Variants in GALNT14 observed in about 807,000 individuals in gnomAD.
The protein encoded by GALNT14 is polypeptide N-acetylgalactosaminyltransferase 14, also known as UDP-GalNAc:polypeptide N-acetylgalactosaminyltransferase 14.
GALNT14 carries 60 observed loss-of-function variants against 77.5 expected under a neutral mutation model. The ratio of observed to expected loss-of-function variants is 0.77; its 90% CI spans 0.63 to 0.96. GALNT14 has a LOEUF of 0.96. Ranked by LOEUF, GALNT14 falls within the 40% of genes least tolerant of loss-of-function variation. The pLI is 0.00. For missense variants in GALNT14, 710 were observed against 731.0 expected, an observed-to-expected ratio of 0.97 and a Z score of 0.33; for synonymous variants, 280 against 281.7, an observed-to-expected ratio of 0.99 and a Z score of 0.06.
At chr2:31,075,550 T>G (rs1162684339) in intron 1 of GALNT14, among the ~76,000 whole-genome samples, 1 of 152,156 alleles carries the variant, frequency 6.6e-6, no homozygotes, top group Non-Finnish European at 1.5e-5. Context: ...ATGGCAGCAT[T>G]TCTGAGAAAT....
chr2:30,946,613 T>A (rs938571868), intron 6 of GALNT14, among the ~76,000 whole-genome samples: 5 of 152,298 alleles, frequency 3.3e-5, no homozygotes, highest in South Asian at 2.1e-4. Flanking sequence ...CGTAAGCCAA[T>A]GAAACCTCAT....
chr2:31,000,159 G>A (rs1266877105), intron 1 of GALNT14, among the ~76,000 whole-genome samples: 1 of 152,092 alleles, frequency 6.6e-6, no homozygotes, highest in East Asian at 1.9e-4. Flanking sequence ...GTTTGAATAT[G>A]TAGATCTGGG....
chr2:31,003,004 T>A (rs1009859082), intron 1 of GALNT14, among the ~76,000 whole-genome samples: 3 of 152,232 alleles, frequency 2.0e-5, no homozygotes, highest in Non-Finnish European at 4.4e-5. Flanking sequence ...GTTATTTAAC[T>A]GATGTGCAGA....
intron 13 of GALNT14, among the ~76,000 whole-genome samples, chr2:30,922,609 A>T (rs1558406086): frequency 6.6e-6 from 1 of 152,100 alleles, no homozygotes. Context: ...ATTTCTACTC[A>T]TCTCTGAGAA....
At position 31,014,032 on chromosome 2, in the gene GALNT14, T is replaced by C. The variant is rs1281425695; in HGVS notation, c.130-21025A>G. Among the ~76,000 whole-genome samples the C allele has an allele frequency of 1.3e-5, 2 of 152,240 alleles. 1 individual carries two copies. Among genetic ancestry groups the C allele is most frequent in the Non-Finnish European group, 2.9e-5 (2 of 68,040 alleles). ...ACCTAAATTTTCTCAAGACCTATGC[T>C]CTGACACTGGCTCCACTGCTTACTG... On this transcript the variant is annotated intron_variant, in intron 1 of 14. Transcript: ENST00000349752.
intron 1 of GALNT14, among the ~76,000 whole-genome samples, chr2:31,026,901 A>G (rs1285403234): frequency 2.0e-5 from 3 of 149,800 alleles, no homozygotes; most frequent in African/African-American, 4.9e-5. Context: ...TATGAAATGT[A>G]TACTGCAGCC....
chr2:31,006,534 G>C (rs774531703), intron 1 of GALNT14, among the ~76,000 whole-genome samples: 14 of 152,242 alleles, frequency 9.2e-5, no homozygotes, highest in Non-Finnish European at 1.9e-4. Flanking sequence ...GGAGGTGCTG[G>C]GATGAAACCC....
chr2:31,106,207 A>G (rs1573357721), intron 1 of GALNT14, among the ~76,000 whole-genome samples: 1 of 152,174 alleles, frequency 6.6e-6, no homozygotes, highest in African/African-American at 2.4e-5. Flanking sequence ...CTCTTTCAAC[A>G]TTTAGATTTA....
chr2:30,955,128 G>A (rs923374309), intron 6 of GALNT14, among the ~76,000 whole-genome samples: 2 of 152,180 alleles, frequency 1.3e-5, no homozygotes, highest in Non-Finnish European at 2.9e-5. Flanking sequence ...GCAAAGAGGG[G>A]CAAGGAATTC....
rs116452199 is a variant in GALNT14, at chr2:30,926,944, T to C, written c.1152-2121A>G. Among the ~76,000 whole-genome samples the C allele has an allele frequency of 5.3e-3, 813 of 152,212 alleles. 12 individuals carry two copies. Among genetic ancestry groups the C allele is most frequent in the African/African-American group, 0.018 (765 of 41,506 alleles). On this transcript the variant is annotated intron_variant, in intron 11 of 14. Transcript: ENST00000349752. ...GGAATGGAAAAGACAGAGCATGGAT[T>C]ATGAGCAATGTTGGACTGAAGGAGG...
At chr2:30,942,799 T>C (rs1220566693) in intron 8 of GALNT14, among the ~76,000 whole-genome samples, 1 of 152,208 alleles carries the variant, frequency 6.6e-6, no homozygotes, top group Non-Finnish European at 1.5e-5. Flanking sequence ...CTCCTTTTTT[T>C]TCCCTCTTTA....
At chr2:31,088,738 G>T (rs1381970003) in intron 1 of GALNT14, among the ~76,000 whole-genome samples, 1 of 152,204 alleles carries the variant, frequency 6.6e-6, no homozygotes, top group Non-Finnish European at 1.5e-5. Context: ...GATGGGTGAT[G>T]CTAGATTATG....
chr2:30,921,904 G>A (rs373111639), intron 13 of GALNT14, among the ~76,000 whole-genome samples: 7 of 152,210 alleles, frequency 4.6e-5, no homozygotes, highest in Admixed American at 4.6e-4. Flanking sequence ...ATACACAGGG[G>A]AGCCCCTACA....
intron 1 of GALNT14, among the ~76,000 whole-genome samples, chr2:31,021,481 T>C (rs780420132): frequency 3.3e-5 from 5 of 151,982 alleles, no homozygotes; most frequent in East Asian, 1.9e-4. Flanking sequence ...ATTTTTTGTA[T>C]ATTTAGTAGA....
chr2:30,955,862 G>A (rs756396245), intron 5 of GALNT14, 50 bp downstream of exon 5: 10 of 1,611,120 alleles, frequency 6.2e-6, no homozygotes, highest in South Asian at 1.1e-5. Flanking sequence ...TCACACCTTC[G>A]ACCCCCCGAC....
the GALNT14 span, among the ~76,000 whole-genome samples, chr2:30,898,432 A>G: frequency 3.3e-5 from 5 of 152,160 alleles, no homozygotes; most frequent in Non-Finnish European, 5.9e-5. Context: ...CTGAGGACAT[A>G]TATAGGTGCC....
intron 2 of GALNT14, among the ~76,000 whole-genome samples, chr2:30,972,360 G>A (rs1047486372): frequency 6.6e-6 from 1 of 152,202 alleles, no homozygotes; most frequent in African/African-American, 2.4e-5. Flanking sequence ...CTGGCGTGGC[G>A]TGGGACACAC....
chr2:30,903,752 T>C, the GALNT14 span, among the ~76,000 whole-genome samples: 1 of 152,250 alleles, frequency 6.6e-6, no homozygotes, highest in Non-Finnish European at 1.5e-5. Flanking sequence ...AGATGTGTGT[T>C]GCTTTAGGCT....
intron 13 of GALNT14, 64 bp downstream of exon 13, chr2:30,924,053 CAG>C: frequency 6.3e-7 from 1 of 1,574,852 alleles, no homozygotes; most frequent in Non-Finnish European, 8.7e-7. Context: ...GTGATGGAGG[CAG>C]AGTCATCTGG....
Sources: gnomAD v4.1 joint callset for allele counts (sites outside exome capture counted in the v4.1 genomes callset) on GRCh38, gnomAD v4.1.1 for gene constraint, MANE v1.5 for transcripts, NCBI Gene and HGNC (gene_info 2026-07-23, HGNC 2026-07-21) for gene names.